The following COL23A1 variants were observed in gnomAD, a reference collection of about 807,000 sequenced individuals.
COL23A1 encodes the protein collagen type XXIII alpha 1 chain.
A neutral mutation model predicts 99.3 loss-of-function variants in COL23A1; 97 were observed. The observed-to-expected ratio is 0.98, with a 90% CI of 0.83 to 1.16. The LOEUF is 1.16. COL23A1 is among the 50% of genes most tolerant of loss of function. The probability of loss-of-function intolerance (pLI) is 0.00; values close to 1 mark genes in which losing one functional copy is unlikely to be tolerated. For missense variants in COL23A1, 762 were observed against 757.4 expected (o/e 1.01, Z -0.07); for synonymous variants, 320 against 308.2 (o/e 1.04, Z -0.40).
chr5:178,248,969 G>C (rs1764864355), intron 19 of COL23A1, 148 bp downstream of exon 19: 1 of 741,196 alleles, frequency 1.3e-6, no homozygotes, highest in Non-Finnish European at 2.3e-6. Flanking sequence ...CGCTGGCCCA[G>C]AGCCTAGAGT....
intron 2 of COL23A1, among the ~76,000 whole-genome samples, chr5:178,386,375 G>A (rs2127744377): frequency 6.6e-6 from 1 of 151,940 alleles, no homozygotes; most frequent in South Asian, 2.1e-4. Flanking sequence ...GGAAGCGGAG[G>A]TTGCAGTGAG....
At chr5:178,456,023 A>G (rs747052634) in intron 2 of COL23A1, among the ~76,000 whole-genome samples, 5 of 152,256 alleles carry the variant, frequency 3.3e-5, no homozygotes, top group Non-Finnish European at 2.9e-5. Context: ...AATTGAAACA[A>G]ATGGGCACTT....
chr5:178,493,247 A>C (rs1326277199), intron 2 of COL23A1, among the ~76,000 whole-genome samples: 1 of 152,134 alleles, frequency 6.6e-6, no homozygotes, highest in African/African-American at 2.4e-5. Context: ...GCCATACACC[A>C]TTCCTTATCT....
Position 178,267,348 on chromosome 5 carries a change from C to T in COL23A1, c.496-15G>A. On this transcript the variant is annotated splice_polypyrimidine_tract_variant and intron_variant, in intron 7 of 28. Transcript: ENST00000390654. ...CCTGGTGCACCCTGGGAACAAAAGACAGGGAGAGGCATCACCACTGCTTTC... is the reference window on the plus strand; with the variant it reads ...CCTGGTGCACCCTGGGAACAAAAGATAGGGAGAGGCATCACCACTGCTTTC... 1 of 1,613,420 alleles carries T rather than the reference C, an allele frequency of 6.2e-7. No homozygotes were observed. Among genetic ancestry groups the T allele is most frequent in the South Asian group, 1.1e-5 (1 of 90,918 alleles).
intron 2 of COL23A1, among the ~76,000 whole-genome samples, chr5:178,443,894 T>C (rs769079471): frequency 1.3e-5 from 2 of 152,138 alleles, no homozygotes; most frequent in Non-Finnish European, 2.9e-5. Flanking sequence ...TATAAAAATA[T>C]ATTATGTTAA....
chr5:178,412,731 A>AC (rs753084559), intron 2 of COL23A1, among the ~76,000 whole-genome samples: 1 of 152,058 alleles, frequency 6.6e-6, no homozygotes, highest in African/African-American at 2.4e-5. Flanking sequence ...TGATTTTGTG[A>AC]CTATAATTTT....
chr5:178,467,731 C>A (rs970492107), intron 2 of COL23A1, among the ~76,000 whole-genome samples: 2 of 152,168 alleles, frequency 1.3e-5, no homozygotes, highest in African/African-American at 2.4e-5. Flanking sequence ...TTAATTGACT[C>A]ATTTTTAAAA....
At chr5:178,587,679 TA>T (rs1764069501) in intron 1 of COL23A1, among the ~76,000 whole-genome samples, 1 of 152,204 alleles carries the variant, frequency 6.6e-6, no homozygotes, top group Non-Finnish European at 1.5e-5. Context: ...GTTCAATATT[TA>T]TTTGGCTTTC....
chr5:178,404,246 A>G (rs1283513687), intron 2 of COL23A1, among the ~76,000 whole-genome samples: 1 of 152,206 alleles, frequency 6.6e-6, no homozygotes, highest in African/African-American at 2.4e-5. Context: ...GCCACACCTT[A>G]GTAATGTGCT....
chr5:178,449,998 C>T (rs1327781250), intron 2 of COL23A1, among the ~76,000 whole-genome samples: 1 of 152,160 alleles, frequency 6.6e-6, no homozygotes, highest in African/African-American at 2.4e-5. Context: ...ATACCAGATT[C>T]CAGGTGACAC....
At chr5:178,575,038 G>C (rs1290525098) in intron 1 of COL23A1, among the ~76,000 whole-genome samples, 2 of 152,184 alleles carry the variant, frequency 1.3e-5, no homozygotes, top group Non-Finnish European at 2.9e-5. Flanking sequence ...TCAGAAGAAG[G>C]AAAGGACAGC....
intron 5 of COL23A1, among the ~76,000 whole-genome samples, chr5:178,276,573 C>T (rs1756594737): frequency 6.6e-6 from 1 of 152,106 alleles, no homozygotes; most frequent in East Asian, 1.9e-4. Flanking sequence ...CCTCCCAGCT[C>T]TCATTAGAGC....
intron 3 of COL23A1, among the ~76,000 whole-genome samples, chr5:178,298,864 T>C (rs557387290): frequency 9.2e-5 from 14 of 152,344 alleles, no homozygotes; most frequent in Non-Finnish European, 1.8e-4. Flanking sequence ...CTAGCCTGAG[T>C]CAGTTTTTTA....
intron 2 of COL23A1, among the ~76,000 whole-genome samples, chr5:178,407,449 C>A (rs1658123297): frequency 6.6e-6 from 1 of 152,142 alleles, no homozygotes; most frequent in Non-Finnish European, 1.5e-5. Flanking sequence ...TGCATCATAC[C>A]AAGAACCAGG....
At position 178,468,473 on chromosome 5, in the gene COL23A1, G is replaced by A. The variant is rs756444083; in HGVS notation, c.361+92209C>T. 9.9e-5 allele frequency among the ~76,000 whole-genome samples: 15 copies of A among 152,188 alleles called. No homozygotes were observed. The highest frequency in any genetic ancestry group is 1.5e-4 in the Non-Finnish European group (10 of 68,030). ...GTCTCCTGTGGGCTAGACACTGCCT[G>A]CAGGGCACGAGATGATTATTTCGTT... On this transcript the variant is annotated intron_variant, in intron 2 of 28. Transcript: ENST00000390654. The surrounding 1 kb of genome is among the most constrained non-coding windows in gnomAD (Gnocchi z 4.2).
chr5:178,369,649 A>G (rs1762694054), intron 2 of COL23A1, among the ~76,000 whole-genome samples: 1 of 152,044 alleles, frequency 6.6e-6, no homozygotes, highest in African/African-American at 2.4e-5. Flanking sequence ...ATGGTTTTAT[A>G]AGGGGAGTTT....
At chr5:178,542,371 C>T (rs183441434) in intron 2 of COL23A1, among the ~76,000 whole-genome samples, 9 of 152,196 alleles carry the variant, frequency 5.9e-5, no homozygotes, top group Non-Finnish European at 8.8e-5. Flanking sequence ...TGTAAAAATT[C>T]GGCAGACATC....
intron 3 of COL23A1, among the ~76,000 whole-genome samples, chr5:178,305,768 G>C (rs1758318411): frequency 6.6e-6 from 1 of 152,134 alleles, no homozygotes; most frequent in African/African-American, 2.4e-5. Flanking sequence ...GGGGTGATGA[G>C]AGCTGCAGGA....
intron 6 of COL23A1, among the ~76,000 whole-genome samples, chr5:178,270,025 G>A (rs1756197000): frequency 6.6e-6 from 1 of 152,206 alleles, no homozygotes; most frequent in Admixed American, 6.5e-5. Flanking sequence ...CGCATGCTTT[G>A]AGGGCTGACT....
Sources: allele counts gnomAD v4.1 joint callset (sites outside exome capture counted in the v4.1 genomes callset), GRCh38; gene constraint gnomAD v4.1.1; non-coding constraint Gnocchi (gnomAD v3.1); transcripts MANE v1.5; gene names NCBI Gene and HGNC (gene_info 2026-07-23, HGNC 2026-07-21).